FANCI: variants seen among roughly 807,000 people sequenced by gnomAD.
The protein encoded by FANCI is FA complementation group I.
A neutral mutation model predicts 176.1 loss-of-function variants in FANCI; 156 were observed. That is an observed-to-expected ratio of 0.89 (90% CI 0.78 to 1.01). The LOEUF (loss-of-function observed/expected upper bound fraction) is 1.01. Among genes scored for constraint, FANCI ranks in the 50% least tolerant of loss-of-function variants. The probability of loss-of-function intolerance (pLI) is 0.00; values close to 1 mark genes in which losing one functional copy is unlikely to be tolerated. For missense variants in FANCI, 1,678 were observed against 1,534.1 expected (o/e 1.09, Z -1.57); for synonymous variants, 613 against 541.7 (o/e 1.13, Z -1.83).
At chr15:89,310,846 C>T (rs780714816) in intron 34 of FANCI, among the ~76,000 whole-genome samples, 2 of 152,196 alleles carry the variant, frequency 1.3e-5, no homozygotes, top group Non-Finnish European at 2.9e-5. Context: ...TCTCAAGGGT[C>T]GGACATGGTG....
chr15:89,270,772 C>A (rs1368111541), intron 10 of FANCI, among the ~76,000 whole-genome samples: 2 of 152,122 alleles, frequency 1.3e-5, no homozygotes, highest in Non-Finnish European at 2.9e-5. Flanking sequence ...TTCAAGTCAG[C>A]TTATGTGTTC....
In FANCI at chr15:89,281,262, C is replaced by G. The variant is rs2053603779; in HGVS notation, c.1474C>G (p.Pro492Ala). The change falls in exon 15 of 38, where the codon CCC (proline) becomes GCC (alanine). Residue 492 changes from proline (P) to alanine (A), a missense_variant. Around this residue, in one of 3 missense-constraint regions of FANCI, gnomAD observed 1,204 missense variants for 1,077.4 expected, o/e 1.12. Coordinates refer to ENST00000310775, the MANE Select transcript of FANCI (RefSeq NM_001113378.2). ...TEAFDYLSFLPLQTVQRLLKA... is the reference protein window; with the variant it reads ...TEAFDYLSFLALQTVQRLLKA... ...AGCTTTTGACTATTTGTCCTTTCTG[C>G]CCCTTCAGACTGTACAAAGGCTGCT... 6.2e-7 allele frequency: 1 copy of G among 1,613,836 alleles called. No homozygotes were observed. Among genetic ancestry groups the G allele is most frequent in the African/African-American group, 1.3e-5 (1 of 75,038 alleles).
At chr15:89,252,601 G>C (rs758134320) in intron 2 of FANCI, among the ~76,000 whole-genome samples, 2 of 152,084 alleles carry the variant, frequency 1.3e-5, no homozygotes, top group African/African-American at 4.8e-5. Context: ...TTAGCTGGGC[G>C]TGGTGGTGCA....
At chr15:89,315,440 C>A in intron 37 of FANCI, 51 bp downstream of exon 37, 1 of 1,290,666 alleles carries the variant, frequency 7.7e-7, no homozygotes, top group Non-Finnish European at 1.1e-6. Flanking sequence ...AGCTGGTTAG[C>A]AGCCTATCTG....
intron 8 of FANCI, 125 bp downstream of exon 8, chr15:89,264,151 C>T (rs1018469554): frequency 2.3e-5 from 25 of 1,100,860 alleles, no homozygotes; most frequent in African/African-American, 3.2e-5. Flanking sequence ...TTTCATTTCA[C>T]GTGAGCAAAC....
At chr15:89,305,862 A>G in intron 31 of FANCI, 145 bp from the exon 32 acceptor site, 2 of 1,054,864 alleles carry the variant, frequency 1.9e-6, no homozygotes, top group Non-Finnish European at 2.9e-6. Context: ...ATGTCTTATC[A>G]CAGCACGATT....
chr15:89,288,336 C>G lies in FANCI; in HGVS notation c.1822-1877C>G, dbSNP rs574324573. ...CAGTCCTTGATATGCCCCTTCCCCC[C>G]CAAAAAAAATCTTCACCCTTATTTA... On this transcript the variant is annotated intron_variant, in intron 18 of 37. Transcript: ENST00000310775. Among the ~76,000 whole-genome samples, 9 of 151,858 alleles carry G rather than the reference C, an allele frequency of 5.9e-5. No homozygotes were observed. The South Asian group carries it at 1.2e-3, about 21-fold the overall frequency.
At position 89,316,746 on chromosome 15, in the gene FANCI, C is replaced by T; in HGVS notation, c.*287C>T. Reference sequence around the variant, plus strand: ...CGGGAGCAAATACAGAGCCTCCAGGCAGTGCTATGGTCCAGGCTGGCTTCG... The same window carrying T: ...CGGGAGCAAATACAGAGCCTCCAGGTAGTGCTATGGTCCAGGCTGGCTTCG... On this transcript the variant is annotated 3_prime_UTR_variant, in exon 38 of 38. Coordinates refer to ENST00000310775, the MANE Select transcript of FANCI (RefSeq NM_001113378.2). 6.2e-7 allele frequency: 1 copy of T among 1,608,222 alleles called. No homozygotes were observed.
chr15:89,296,430 TTTTG>T (rs953561019), intron 24 of FANCI, among the ~76,000 whole-genome samples: 10 of 152,032 alleles, frequency 6.6e-5, no homozygotes, highest in African/African-American at 2.4e-4. Flanking sequence ...TTTTGTTTTG[TTTTG>T]TTTTTGTTTT....
At chr15:89,278,820 A>AT (rs2053502326) in intron 14 of FANCI, 46 bp downstream of exon 14, 1 of 1,498,224 alleles carries the variant, frequency 6.7e-7, no homozygotes, top group Non-Finnish European at 9.3e-7. Context: ...AAATATTTTC[A>AT]TTTCAATGTC....
At chr15:89,309,866 T>C (rs1321518120) in intron 34 of FANCI, among the ~76,000 whole-genome samples, 1 of 152,250 alleles carries the variant, frequency 6.6e-6, no homozygotes, top group Non-Finnish European at 1.5e-5. Flanking sequence ...ATACTGCTGT[T>C]AAATGCTATT....
At chr15:89,289,525 G>A (rs1038856284) in intron 18 of FANCI, among the ~76,000 whole-genome samples, 9 of 151,854 alleles carry the variant, frequency 5.9e-5, no homozygotes, top group African/African-American at 1.9e-4. Flanking sequence ...GGCTGGTCTC[G>A]ACTTCCTGAC....
At position 89,278,696 on chromosome 15, in the gene FANCI, A is replaced by T; in HGVS notation, c.1303A>T (p.Met435Leu). 1.2e-6 allele frequency: 2 copies of T among 1,612,974 alleles called. No homozygotes were observed. The highest frequency in any genetic ancestry group is 1.7e-6 in the Non-Finnish European group (2 of 1,179,012). Reference protein sequence around the residue: ...ILLETFKIHEMIRQEILEQVL... With the variant: ...ILLETFKIHELIRQEILEQVL... ...ATTCTGTTCTTTTTAGATCCATGAGATGATCAGACAAGAAATTTTGGAGCA... is the reference window on the plus strand; with the variant it reads ...ATTCTGTTCTTTTTAGATCCATGAGTTGATCAGACAAGAAATTTTGGAGCA... The change falls in exon 14 of 38, where the codon ATG becomes TTG. Residue 435 changes from methionine (M) to leucine (L), a missense_variant. Transcript: ENST00000310775.
intron 18 of FANCI, among the ~76,000 whole-genome samples, chr15:89,288,343 A>C (rs1040529880): frequency 2.0e-5 from 3 of 152,284 alleles, no homozygotes; most frequent in African/African-American, 4.8e-5. Context: ...CCCCCAAAAA[A>C]AATCTTCACC....
At chr15:89,312,773 C>A in intron 34 of FANCI, 131 bp from the exon 35 acceptor site, 1 of 700,602 alleles carries the variant, frequency 1.4e-6, no homozygotes, top group Admixed American at 2.7e-5. Flanking sequence ...GGGTCGACAT[C>A]ACGCCACTGC....
chr15:89,292,537 C>T (rs1044557008), intron 20 of FANCI, 151 bp from the exon 21 acceptor site: 4 of 811,570 alleles, frequency 4.9e-6, no homozygotes, highest in Admixed American at 5.2e-5. Flanking sequence ...TTAATTTTCC[C>T]AGTTTTGTTA....
chr15:89,316,852 G>C lies in FANCI; in HGVS notation c.*393G>C. 6.5e-7 allele frequency: 1 copy of C among 1,545,994 alleles called. No homozygotes were observed. Among genetic ancestry groups the C allele is most frequent in the Non-Finnish European group, 8.9e-7 (1 of 1,117,858 alleles). On this transcript the variant is annotated 3_prime_UTR_variant, in exon 38 of 38. Transcript: ENST00000310775. ...CCTGAAAGATAGTGCAAATTGGTTAGGATGCCACCTCAAGAACTGTAACTG... is the reference window on the plus strand; with the variant it reads ...CCTGAAAGATAGTGCAAATTGGTTACGATGCCACCTCAAGAACTGTAACTG...
intron 2 of FANCI, among the ~76,000 whole-genome samples, chr15:89,257,212 C>G (rs1024054237): frequency 6.6e-6 from 1 of 152,130 alleles, no homozygotes; most frequent in African/African-American, 2.4e-5. Flanking sequence ...GGCCAGATTT[C>G]TTTTCCTTCA....
chr15:89,305,505 G>A (rs983836299), intron 30 of FANCI, 96 bp downstream of exon 30: 7 of 1,603,592 alleles, frequency 4.4e-6, no homozygotes, highest in Non-Finnish European at 6.0e-6. Flanking sequence ...CTTGTGTCCT[G>A]AGGCCTGTAA....
Sources: allele counts gnomAD v4.1 joint callset (sites outside exome capture counted in the v4.1 genomes callset), GRCh38; gene constraint gnomAD v4.1.1; regional missense constraint gnomAD v4.1.1; transcripts MANE v1.5; gene names NCBI Gene and HGNC (gene_info 2026-07-23, HGNC 2026-07-21).